The following SCUBE1 variants were observed in gnomAD, a reference collection of about 807,000 sequenced individuals.
SCUBE1 encodes signal peptide, CUB and EGF-like domain-containing protein 1.
A neutral mutation model predicts 124.4 loss-of-function variants in SCUBE1; 59 were observed. The ratio of observed to expected loss-of-function variants is 0.47; its 90% CI spans 0.38 to 0.59. The LOEUF (loss-of-function observed/expected upper bound fraction) is 0.59, where lower values mean the gene tolerates loss of function less well. SCUBE1 is among the 20% of genes least tolerant of loss of function. SCUBE1 has a pLI of 0.00. For synonymous variants in SCUBE1, 545 were observed against 550.9 expected (o/e 0.99, Z 0.15); for missense variants, 1,150 against 1,371.2 (o/e 0.84, Z 2.55).
chr22:43,339,854 T>C lies in SCUBE1; in HGVS notation c.89-619A>G, dbSNP rs866782265. ...CACAAGCATCACTCCAGCCCTCCCC[T>C]ACTCTCCTCACTATCCCCCCACAAG... is the stretch of plus-strand genomic sequence containing the variant. On this transcript the variant is annotated intron_variant, in intron 1 of 21. Transcript: ENST00000360835. 2.7e-3 allele frequency among the ~76,000 whole-genome samples: 115 copies of C among 43,230 alleles called. 1 individual carries two copies. The highest frequency in any genetic ancestry group is 3.6e-3 in the Admixed American group (13 of 3,588). The allele number at this position is 43,230 out of a possible 152,430, so 28.4% of individuals were successfully genotyped here.
At chr22:43,322,510 C>G (rs1304736299) in intron 2 of SCUBE1, among the ~76,000 whole-genome samples, 2 of 152,158 alleles carry the variant, frequency 1.3e-5, no homozygotes, top group African/African-American at 4.8e-5. Flanking sequence ...AACATCAAAT[C>G]AGCTACCAAC....
At chr22:43,227,276 G>A in intron 10 of SCUBE1, 98 bp downstream of exon 10, 1 of 1,376,988 alleles carries the variant, frequency 7.3e-7, no homozygotes. Flanking sequence ...AGGAAAGGGA[G>A]GGGCTGTCCT....
chr22:43,285,359 C>T lies in SCUBE1; in HGVS notation c.484+5687G>A, dbSNP rs55664615. Among the ~76,000 whole-genome samples, 1,162 of 152,310 alleles carry T rather than the reference C, an allele frequency of 7.6e-3. 21 individuals are homozygous for T. The highest frequency in any genetic ancestry group is 0.026 in the African/African-American group (1,098 of 41,558). On this transcript the variant is annotated intron_variant, in intron 4 of 21. Coordinates refer to ENST00000360835, the MANE Select transcript of SCUBE1 (RefSeq NM_173050.5). ...AGACCCATCCTGGCTCTGCCCACGC[C>T]CACCTTCCTCTCTTCCTTCCCCTCT...
intron 4 of SCUBE1, 68 bp downstream of exon 4, chr22:43,290,978 G>C (rs1437627658): frequency 3.4e-6 from 5 of 1,475,222 alleles, no homozygotes; most frequent in Non-Finnish European, 4.5e-6. Context: ...TTGAGATGTG[G>C]AGAAGGGGAC....
At chr22:43,245,481 C>T (rs775816169) in intron 6 of SCUBE1, among the ~76,000 whole-genome samples, 10 of 152,068 alleles carry the variant, frequency 6.6e-5, no homozygotes, top group African/African-American at 1.2e-4. Flanking sequence ...TGTGGCTGGA[C>T]GCAGGGTGAC....
chr22:43,293,242 TTTA>T (rs1358663972), intron 3 of SCUBE1, among the ~76,000 whole-genome samples: 20 of 152,228 alleles, frequency 1.3e-4, no homozygotes, highest in African/African-American at 4.8e-4. Context: ...TCTGTGAGTG[TTTA>T]TTATGTGTTA....
intron 1 of SCUBE1, 44 bp downstream of exon 1, chr22:43,343,130 G>C (rs928672563): frequency 3.9e-6 from 4 of 1,022,638 alleles, no homozygotes; most frequent in Non-Finnish European, 4.8e-6. Flanking sequence ...TCGGCCGCCC[G>C]AGCCCCCCGC....
chr22:43,211,236 C>A lies in SCUBE1; in HGVS notation c.2222-153G>T, dbSNP rs1479205047. On this transcript the variant is annotated intron_variant, in intron 17 of 21. Transcript: ENST00000360835. The surrounding 1 kb of genome is among the most constrained non-coding windows in gnomAD (Gnocchi z 4.5). ...CCACCGCCCCATGACCTCCCACCACCCTCACTCCGCCATGGCCAGGAAGAG... is the reference window on the plus strand; with the variant it reads ...CCACCGCCCCATGACCTCCCACCACACTCACTCCGCCATGGCCAGGAAGAG... 2.6e-5 allele frequency among the ~76,000 whole-genome samples: 4 copies of A among 152,170 alleles called. No homozygotes were observed. Among genetic ancestry groups the A allele is most frequent in the Admixed American group, 2.6e-4 (4 of 15,274 alleles).
At chr22:43,266,838 C>A (rs1924087851) in intron 4 of SCUBE1, among the ~76,000 whole-genome samples, 1 of 152,200 alleles carries the variant, frequency 6.6e-6, no homozygotes, top group Admixed American at 6.5e-5. Context: ...TGCTACGTCC[C>A]CTGAAGCTCT....
At chr22:43,266,514 G>C (rs1013764432) in intron 4 of SCUBE1, among the ~76,000 whole-genome samples, 5 of 152,316 alleles carry the variant, frequency 3.3e-5, no homozygotes, top group Admixed American at 6.5e-5. Context: ...CAGAAGGTCA[G>C]GGTTGGACCC....
chr22:43,324,121 A>C (rs1926646586), intron 2 of SCUBE1, among the ~76,000 whole-genome samples: 1 of 152,196 alleles, frequency 6.6e-6, no homozygotes, highest in African/African-American at 2.4e-5. Flanking sequence ...CATACACTTT[A>C]ATTTTCCTGG....
chr22:43,306,293 C>CTTAT (rs932222924), intron 3 of SCUBE1, among the ~76,000 whole-genome samples: 5 of 152,278 alleles, frequency 3.3e-5, no homozygotes, highest in Admixed American at 2.0e-4. Flanking sequence ...TCACAAGACA[C>CTTAT]TTATTTATTT....
At chr22:43,248,148 G>A (rs1414843436) in intron 6 of SCUBE1, among the ~76,000 whole-genome samples, 2 of 152,244 alleles carry the variant, frequency 1.3e-5, no homozygotes, top group Non-Finnish European at 2.9e-5. Flanking sequence ...CAGGCAGTGA[G>A]ATGTGGTCTT....
intron 19 of SCUBE1, among the ~76,000 whole-genome samples, chr22:43,209,700 G>A (rs953339175): frequency 2.6e-5 from 4 of 152,230 alleles, no homozygotes; most frequent in African/African-American, 9.6e-5. Flanking sequence ...CCTGAGCGGT[G>A]CGGCAGAAAG....
intron 2 of SCUBE1, among the ~76,000 whole-genome samples, chr22:43,324,671 CT>C (rs1345906053): frequency 6.6e-6 from 1 of 151,928 alleles, no homozygotes; most frequent in African/African-American, 2.4e-5. Context: ...GTCGCCGCCC[CT>C]GGAAGAGGCA....
intron 4 of SCUBE1, among the ~76,000 whole-genome samples, chr22:43,280,378 G>A (rs563367392): frequency 4.9e-5 from 7 of 144,108 alleles, no homozygotes; most frequent in East Asian, 2.0e-4. Flanking sequence ...GTCTCTCACC[G>A]TCCCCTCACC....
In SCUBE1 at chr22:43,291,076, T is replaced by A; in HGVS notation, c.454A>T (p.Asn152Tyr). 1 of 1,612,854 alleles carries A rather than the reference T, an allele frequency of 6.2e-7. No individual in the cohort carries two copies. Among genetic ancestry groups the A allele is most frequent in the Non-Finnish European group, 8.5e-7 (1 of 1,179,286 alleles). The change falls in exon 4 of 22, where the codon AAC (asparagine) becomes TAC (tyrosine). Residue 152 changes from asparagine (N) to tyrosine (Y), a missense_variant. This residue lies in a region of SCUBE1 where 337 missense variants were observed against 482.1 expected (regional missense o/e 0.70). Coordinates refer to ENST00000360835, the MANE Select transcript of SCUBE1 (RefSeq NM_173050.5). The part of the protein sequence containing the change: ...QCHSGFFLSD[N>Y]QHTCIHRSNE... ...GAGCGGTGGATGCAGGTATGCTGGTTGTCACTAAGGAAGAAGCCACTGTGG... is the reference window on the plus strand; with the variant it reads ...GAGCGGTGGATGCAGGTATGCTGGTAGTCACTAAGGAAGAAGCCACTGTGG...
chr22:43,319,896 C>T, intron 3 of SCUBE1, 41 bp downstream of exon 3: 1 of 1,605,924 alleles, frequency 6.2e-7, no homozygotes, highest in Non-Finnish European at 8.5e-7. Context: ...AAGCAACAGG[C>T]AGGGTGTGCC....
intron 1 of SCUBE1, among the ~76,000 whole-genome samples, chr22:43,342,936 C>G (rs1361727396): frequency 1.3e-5 from 2 of 151,728 alleles, no homozygotes; most frequent in Admixed American, 6.6e-5. Flanking sequence ...GCTTCCCCTC[C>G]CGGGGCCCCG....
Sources: allele counts gnomAD v4.1 joint callset (sites outside exome capture counted in the v4.1 genomes callset), GRCh38; gene constraint gnomAD v4.1.1; regional missense constraint gnomAD v4.1.1; non-coding constraint Gnocchi (gnomAD v3.1); transcripts MANE v1.5; gene names NCBI Gene and HGNC (gene_info 2026-07-23, HGNC 2026-07-21).